Variants in THOC2 observed in about 807,000 individuals in gnomAD.
THOC2 encodes THO complex subunit 2, also known as THO complex 2.
THOC2 carries 10 observed loss-of-function variants against 128.4 expected under a neutral mutation model. The ratio of observed to expected loss-of-function variants is 0.08; its 90% CI spans 0.05 to 0.13. The LOEUF is 0.13. Ranked by LOEUF, THOC2 falls within the 10% of genes least tolerant of loss-of-function variation. The probability of loss-of-function intolerance (pLI) is 1.00; values close to 1 mark genes in which losing one functional copy is unlikely to be tolerated. For synonymous variants in THOC2, 393 were observed against 396.9 expected (o/e 0.99, Z 0.12); for missense variants, 535 against 1,155.7 (o/e 0.46, Z 7.79).
intron 12 of THOC2, among the ~76,000 whole-genome samples, chrX:123,653,215 C>T (rs1227021078): frequency 1.8e-5 from 2 of 111,794 alleles, no homozygotes; most frequent in African/African-American, 6.5e-5. Context: ...AACTGGCTAG[C>T]CATATGCAGA....
chrX:123,688,256 T>C (rs1489948604), intron 7 of THOC2, among the ~76,000 whole-genome samples: 1 of 111,150 alleles, frequency 9.0e-6, no homozygotes, highest in Non-Finnish European at 1.9e-5. Context: ...ATAAGTGGAG[T>C]AAGGAAAAGT....
intron 8 of THOC2, among the ~76,000 whole-genome samples, 177 bp downstream of exon 8, chrX:123,686,371 C>A: frequency 8.9e-6 from 1 of 112,380 alleles, no homozygotes. Context: ...CACATCACAT[C>A]ATTCATACTA....
intron 2 of THOC2, among the ~76,000 whole-genome samples, chrX:123,710,880 C>T (rs1031733320): frequency 1.9e-5 from 2 of 103,293 alleles, no homozygotes; most frequent in African/African-American, 7.0e-5. Flanking sequence ...ATCCTAGCTA[C>T]TCGGGAGGCT....
At chrX:123,676,790 T>C (rs2049516027) in intron 8 of THOC2, among the ~76,000 whole-genome samples, 1 of 111,801 alleles carries the variant, frequency 8.9e-6, no homozygotes, top group Admixed American at 9.5e-5. Context: ...TTGGTTCTCC[T>C]GAACCCTTTC....
At chrX:123,729,091 C>G (rs1409087622) in intron 1 of THOC2, among the ~76,000 whole-genome samples, 1 of 112,219 alleles carries the variant, frequency 8.9e-6, no homozygotes, top group African/African-American at 3.2e-5. Flanking sequence ...GAAACTAAAA[C>G]TAATTCCAAA....
intron 33 of THOC2, among the ~76,000 whole-genome samples, chrX:123,617,977 T>C (rs1376625445): frequency 1.8e-5 from 2 of 111,681 alleles, no homozygotes; most frequent in Non-Finnish European, 3.8e-5. Context: ...GGAATATAAA[T>C]TAAGTTTTCC....
At chrX:123,676,795 C>G (rs1054713757) in intron 8 of THOC2, among the ~76,000 whole-genome samples, 2 of 111,404 alleles carry the variant, frequency 1.8e-5, no homozygotes, top group East Asian at 2.8e-4. Context: ...TCTCCTGAAC[C>G]CTTTCTCTTC....
At chrX:123,693,001 A>G (rs1042854914) in intron 7 of THOC2, among the ~76,000 whole-genome samples, 1 of 111,747 alleles carries the variant, frequency 8.9e-6, no homozygotes, top group African/African-American at 3.3e-5. Flanking sequence ...AAACCCATCC[A>G]AAGAGGCCAT....
chrX:123,653,686 G>C (rs1225216565), intron 12 of THOC2, among the ~76,000 whole-genome samples: 1 of 112,082 alleles, frequency 8.9e-6, no homozygotes, highest in Non-Finnish European at 1.9e-5. Context: ...CTGGTCATTA[G>C]AGAAATGCAA....
At chrX:123,680,087 G>A (rs1409803652) in intron 8 of THOC2, among the ~76,000 whole-genome samples, 1 of 111,422 alleles carries the variant, frequency 9.0e-6, no homozygotes, top group Non-Finnish European at 1.9e-5. Flanking sequence ...CCCGTAAAGG[G>A]TCTGTGCTGA....
chrX:123,696,171 A>G lies in THOC2; in HGVS notation c.468-17T>C, dbSNP rs1455128899. On this transcript the variant is annotated splice_polypyrimidine_tract_variant and intron_variant, in intron 6 of 38. Coordinates refer to ENST00000245838, the MANE Select transcript of THOC2 (RefSeq NM_001081550.2). ...TGCTTATAACTGAAATCAGATAAAT[A>G]TCATTAAGGGGATAAAATTAATTTT... is the stretch of plus-strand genomic sequence containing the variant. 9.2e-7 allele frequency: 1 copy of G among 1,082,024 alleles called. No homozygotes were observed. Among genetic ancestry groups the G allele is most frequent in the Non-Finnish European group, 1.3e-6 (1 of 785,512 alleles). 89.2% of individuals were successfully genotyped at this position (1,082,024 alleles called of 1,213,427 possible). A position where few individuals can be genotyped will look rare whatever the true frequency, so the allele number is the denominator to read the frequency against.
rs1289987569 is a variant in THOC2, at chrX:123,613,813, T to C, written c.4450-105A>G. On this transcript the variant is annotated intron_variant, in intron 34 of 38. Transcript: ENST00000245838. ...ACAGCTAACTAGCAATGGAGAGTAT[T>C]TGCAGTAGTTTCACATACTTGGTAA... 8.8e-6 allele frequency: 7 copies of C among 796,667 alleles called. No individual in the cohort carries two copies. In the East Asian group the frequency reaches 9.5e-5, roughly 11 times the overall value. 65.7% of individuals were successfully genotyped at this position (796,667 alleles called of 1,213,427 possible). A position where few individuals can be genotyped will look rare whatever the true frequency, so the allele number is the denominator to read the frequency against.
intron 6 of THOC2, 63 bp downstream of exon 6, chrX:123,696,658 C>T: frequency 9.0e-7 from 1 of 1,106,147 alleles, no homozygotes; most frequent in Non-Finnish European, 1.2e-6. Flanking sequence ...TACTAGGATT[C>T]AAAATATGAA....
chrX:123,638,767 C>T (rs866014856), intron 17 of THOC2, among the ~76,000 whole-genome samples, 167 bp downstream of exon 17: 1 of 104,769 alleles, frequency 9.5e-6, no homozygotes, highest in African/African-American at 3.6e-5. Context: ...CTCTCTCTCA[C>T]ATACACACAC....
chrX:123,608,866 A>G (rs1250418427), intron 38 of THOC2, among the ~76,000 whole-genome samples: 1 of 112,615 alleles, frequency 8.9e-6, no homozygotes, highest in Non-Finnish European at 1.9e-5. Context: ...ACATACTTTT[A>G]AAAGAACATC....
At chrX:123,617,716 G>A (rs778922741) in intron 33 of THOC2, among the ~76,000 whole-genome samples, 22 of 111,495 alleles carry the variant, frequency 2.0e-4, no homozygotes, top group African/African-American at 7.1e-4. Context: ...AACCATCATC[G>A]ATTAGAAAAT....
At chrX:123,659,265 C>T (rs1184147581) in intron 12 of THOC2, among the ~76,000 whole-genome samples, 5 of 112,036 alleles carry the variant, frequency 4.5e-5, no homozygotes, top group Non-Finnish European at 9.4e-5. Context: ...AGGATGGGGC[C>T]CAACAATTTA....
At chrX:123,618,692 C>T (rs1311106704) in intron 33 of THOC2, among the ~76,000 whole-genome samples, 1 of 111,794 alleles carries the variant, frequency 8.9e-6, no homozygotes, top group African/African-American at 3.2e-5. Context: ...GACAAAACAA[C>T]ATGAACAATG....
At chrX:123,652,054 C>T (rs564975541) in intron 12 of THOC2, among the ~76,000 whole-genome samples, 6 of 111,764 alleles carry the variant, frequency 5.4e-5, no homozygotes, top group African/African-American at 1.6e-4. Context: ...AAAACCGAAT[C>T]CAGCAGCACA....
Sources: gnomAD v4.1 joint callset for allele counts (sites outside exome capture counted in the v4.1 genomes callset) on GRCh38, gnomAD v4.1.1 for gene constraint, MANE v1.5 for transcripts, NCBI Gene and HGNC (gene_info 2026-07-23, HGNC 2026-07-21) for gene names.